Variants in ZNF529 observed in about 807,000 individuals in gnomAD.
ZNF529 encodes the protein zinc finger protein 529.
In ZNF529, 11 loss-of-function variants were observed where a neutral mutation model predicts 10.1. The ratio of observed to expected loss-of-function variants is 1.09; its 90% confidence interval spans 0.69 to 1.81. ZNF529 has a LOEUF of 1.81. Ranked by LOEUF, ZNF529 falls within the 40% of genes most tolerant of loss-of-function variation. The pLI is 0.00. For missense variants in ZNF529, 624 were observed against 666.8 expected (o/e 0.94, Z 0.71); for synonymous variants, 204 against 215.7 (o/e 0.95, Z 0.47).
At chr19:36,592,068 G>A (rs4806336) in intron 1 of ZNF529, among the ~76,000 whole-genome samples, 49,129 of 151,070 alleles carry the variant, frequency 0.33, 8,360 homozygotes, top group South Asian at 0.42. Context: ...GAGGTCGGGA[G>A]TTGGGAGACC....
At chr19:36,580,766 A>G (rs1392793503) in intron 2 of ZNF529, 1 of 152,248 alleles carries the variant, frequency 6.6e-6, no homozygotes, top group East Asian at 1.9e-4. Context: ...CTCTTCATAT[A>G]TGCAGATTCA....
intron 2 of ZNF529, among the ~76,000 whole-genome samples, chr19:36,579,812 A>G (rs1238027887): frequency 1.3e-5 from 2 of 152,234 alleles, no homozygotes; most frequent in African/African-American, 4.8e-5. Context: ...AGACTTTACA[A>G]GCAGTACACT....
intron 2 of ZNF529, among the ~76,000 whole-genome samples, chr19:36,565,725 C>T (rs1443540162): frequency 9.2e-5 from 14 of 151,922 alleles, no homozygotes; most frequent in African/African-American, 2.4e-5. Flanking sequence ...AAGAAAACAA[C>T]GATAAAGGTA....
chr19:36,577,465 T>C (rs931877309), upstream of ZNF529: 1 of 164,632 alleles, frequency 6.1e-6, no homozygotes, highest in Admixed American at 6.4e-5. Flanking sequence ...AGTAATCTGA[T>C]TGAAAGATAA....
In ZNF529 at chr19:36,598,155, G is replaced by T. The variant is rs570545096; in HGVS notation, c.-128+6971C>A. ...GCTTTGACTCTAGTAATAGCTGACTGGTTATGCATCCTTATATTAGCATTG... is the reference window on the plus strand; with the variant it reads ...GCTTTGACTCTAGTAATAGCTGACTTGTTATGCATCCTTATATTAGCATTG... On this transcript the variant is annotated intron_variant, in intron 1 of 4. Transcript: ENST00000585960. Among the ~76,000 whole-genome samples the T allele has an allele frequency of 5.5e-4, 84 of 152,304 alleles. 2 individuals carry two copies. The South Asian group carries it at 0.017, about 30-fold the overall frequency.
intron 1 of ZNF529, among the ~76,000 whole-genome samples, chr19:36,597,520 T>C (rs970780201): frequency 1.3e-5 from 2 of 152,226 alleles, no homozygotes; most frequent in Non-Finnish European, 2.9e-5. Flanking sequence ...CTACGAAAAC[T>C]GAACATACAT....
chr19:36,547,965 T>C lies in ZNF529; in HGVS notation c.593A>G (p.Asn198Ser). ...TTTCCAACATTGATTACATTCATAG[T>C]TTTTTCCACCAGTATGTATTTTCTG... is the stretch of plus-strand genomic sequence containing the variant. ...EYQKIHTGGK[N>S]YECNQCWKTF... The change falls in exon 5 of 5, where the codon AAC (asparagine) becomes AGC (serine). Residue 198 changes from asparagine (N) to serine (S), a missense_variant. Coordinates refer to ENST00000591340, the MANE Select transcript of ZNF529 (RefSeq NM_020951.5). The C allele has an allele frequency of 6.2e-7, 1 of 1,612,758 alleles. No homozygotes were observed. The highest frequency in any genetic ancestry group is 8.5e-7 in the Non-Finnish European group (1 of 1,179,582).
In ZNF529 at chr19:36,547,531, A is replaced by C. The variant is rs959825564; in HGVS notation, c.1027T>G (p.Cys343Gly). The change falls in exon 5 of 5, where the codon TGT becomes GGT. Residue 343 changes from cysteine (C) to glycine (G), a missense_variant. Coordinates refer to ENST00000591340, the MANE Select transcript of ZNF529 (RefSeq NM_020951.5). ...TGEKPYKCMH[C>G]EKVFRISSQL... ...GAACTAATTCTAAAAACCTTCTCACAGTGCATACATTTGTAGGGTTTCTCA... is the reference window on the plus strand; with the variant it reads ...GAACTAATTCTAAAAACCTTCTCACCGTGCATACATTTGTAGGGTTTCTCA... 3 of 1,613,360 alleles carry C rather than the reference A, an allele frequency of 1.9e-6. No individual in the cohort carries two copies. The highest frequency in any genetic ancestry group is 2.7e-5 in the African/African-American group (2 of 75,034).
At position 36,546,158 on chromosome 19, in the gene ZNF529, ATAG is replaced by A. The variant is rs1244932337; in HGVS notation, c.*705_*707del. 7 of 150,808 alleles carry A rather than the reference ATAG, an allele frequency of 4.6e-5. No individual in the cohort carries two copies. The East Asian group carries it at 5.8e-4, about 13-fold the overall frequency. The allele number at this position is 150,808 out of a possible 1,614,324, so 9.3% of individuals were successfully genotyped here. A position where few individuals can be genotyped will look rare whatever the true frequency, so the allele number is the denominator to read the frequency against. On this transcript the variant is annotated 3_prime_UTR_variant, in exon 5 of 5. Transcript: ENST00000591340. ...TACATCACACACTATATACACACAT[ATAG>A]TATATGTGATATGTATAGTATACAT...
At position 36,546,061 on chromosome 19, in the gene ZNF529, G is replaced by GTATATATATATATATATATATATATA. The variant is rs10593037; in HGVS notation, c.*804_*805insTATATATATATATATATATATATATA. ...ATACATATATTGTGTGTGTGTGTGTGTATATATATATATATATATAGTGTG... is the reference window on the plus strand; with the variant it reads ...ATACATATATTGTGTGTGTGTGTGTGTATATATATATATATATATATATATATATATATATATATATATATAGTGTG... On this transcript the variant is annotated 3_prime_UTR_variant, in exon 5 of 5. Coordinates refer to ENST00000591340, the MANE Select transcript of ZNF529 (RefSeq NM_020951.5). The GTATATATATATATATATATATATATA allele has an allele frequency of 6.9e-5, 9 of 130,110 alleles. No homozygotes were observed. Among genetic ancestry groups the GTATATATATATATATATATATATATA allele is most frequent in the Non-Finnish European group, 1.3e-4 (8 of 61,638 alleles). 8.1% of individuals were successfully genotyped at this position (130,110 alleles called of 1,614,324 possible).
At chr19:36,551,130 A>T (rs143460703) in intron 4 of ZNF529, among the ~76,000 whole-genome samples, 18 of 152,376 alleles carry the variant, frequency 1.2e-4, no homozygotes, top group Non-Finnish European at 2.5e-4. Flanking sequence ...AGTGGGTCAC[A>T]TCAAAGGGAC....
At chr19:36,562,199 T>C (rs2035726631) in intron 2 of ZNF529, among the ~76,000 whole-genome samples, 1 of 151,884 alleles carries the variant, frequency 6.6e-6, no homozygotes, top group Non-Finnish European at 1.5e-5. Context: ...GATCGCACCA[T>C]TGCACTGCAG....
intron 4 of ZNF529, among the ~76,000 whole-genome samples, chr19:36,554,328 C>G (rs1436880371): frequency 1.3e-5 from 2 of 152,128 alleles, no homozygotes; most frequent in African/African-American, 4.8e-5. Context: ...CCTGTAATCC[C>G]AGCACTTTGG....
chr19:36,560,935 A>C (rs1379410972), intron 2 of ZNF529, among the ~76,000 whole-genome samples: 2 of 152,226 alleles, frequency 1.3e-5, no homozygotes, highest in Admixed American at 6.5e-5. Flanking sequence ...TTCTCAGCCT[A>C]AGCATGTAAA....
chr19:36,549,951 G>T (rs2035195785), intron 4 of ZNF529, among the ~76,000 whole-genome samples: 1 of 152,164 alleles, frequency 6.6e-6, no homozygotes, highest in Non-Finnish European at 1.5e-5. Context: ...GTGAAAAGGA[G>T]AATATGCTAA....
At chr19:36,550,535 G>C (rs1350782562) in intron 4 of ZNF529, among the ~76,000 whole-genome samples, 2 of 151,970 alleles carry the variant, frequency 1.3e-5, no homozygotes, top group African/African-American at 4.8e-5. Context: ...AACAGAGTGA[G>C]ACTACGTCTT....
chr19:36,573,486 C>G (rs1208927501), upstream of ZNF529: 2 of 470,890 alleles, frequency 4.2e-6, no homozygotes, highest in Non-Finnish European at 8.8e-6. Context: ...TGCGCGTCCC[C>G]TAGGCGCGGA....
chr19:36,543,908 G>A lies in ZNF529; in HGVS notation c.*2958C>T, dbSNP rs1240576542. 2.0e-5 allele frequency: 3 copies of A among 151,988 alleles called. No individual in the cohort carries two copies. The highest frequency in any genetic ancestry group is 7.3e-5 in the African/African-American group (3 of 41,346). 9.4% of individuals were successfully genotyped at this position (151,988 alleles called of 1,614,324 possible). ...AGTTGGGGTGGGGGGTGGCGCAGGG[G>A]TTATATAACTCCAGAAATCTCAGTC... On this transcript the variant is annotated 3_prime_UTR_variant, in exon 5 of 5. Transcript: ENST00000591340.
intron 2 of ZNF529, among the ~76,000 whole-genome samples, chr19:36,559,136 A>G (rs984409988): frequency 2.6e-5 from 4 of 152,200 alleles, no homozygotes; most frequent in African/African-American, 7.2e-5. Context: ...AAGAAAAAAA[A>G]TGTTGACAAG....
Sources: allele counts gnomAD v4.1 joint callset (sites outside exome capture counted in the v4.1 genomes callset), GRCh38; gene constraint gnomAD v4.1.1; transcripts MANE v1.5; gene names NCBI Gene and HGNC (gene_info 2026-07-23, HGNC 2026-07-21).